The following ENOX1 variants were observed in gnomAD, a reference collection of about 807,000 sequenced individuals.
ENOX1 encodes ecto-NOX disulfide-thiol exchanger 1, also known as candidate growth-related and time keeping constitutive hydroquinone (NADH) oxidase.
Under a neutral mutation model 82.5 loss-of-function variants are expected in ENOX1, and 42 were observed. The ratio of observed to expected loss-of-function variants is 0.51; its 90% CI spans 0.40 to 0.66. ENOX1 has a LOEUF of 0.66. Ranked by LOEUF, ENOX1 falls within the 30% of genes least tolerant of loss-of-function variation. The pLI is 0.00. For synonymous variants in ENOX1, 271 were observed against 282.2 expected (o/e 0.96, Z 0.40); for missense variants, 608 against 811.6 (o/e 0.75, Z 3.05).
Position 43,561,046 on chromosome 13 carries a change from G to A in ENOX1, c.-218-76894C>T, listed in dbSNP as rs111929241. Among the ~76,000 whole-genome samples, 199 of 152,248 alleles carry A rather than the reference G, an allele frequency of 1.3e-3. 1 individual carries two copies. Among genetic ancestry groups the A allele is most frequent in the African/African-American group, 4.5e-3 (185 of 41,546 alleles). On this transcript the variant is annotated intron_variant, in intron 2 of 16. Coordinates refer to ENST00000690772, the MANE Select transcript of ENOX1 (RefSeq NM_001347969.2). ...GCTTCCCTATCAATAATTCTGGGAG[G>A]AGTGGGAGAGAGAACAGTGCGTAAT...
intron 2 of ENOX1, chr13:43,543,860 G>A (rs914101670): frequency 1.4e-5 from 2 of 146,678 alleles, no homozygotes; most frequent in Admixed American, 6.8e-5. Context: ...GGCATGTGAT[G>A]TGGCTTTATT....
intron 11 of ENOX1, among the ~76,000 whole-genome samples, chr13:43,313,198 C>T (rs183595294): frequency 6.6e-6 from 1 of 152,262 alleles, no homozygotes; most frequent in African/African-American, 2.4e-5. Context: ...GCCAATCTCT[C>T]TGTGGGTAAG....
At chr13:43,332,852 G>C (rs2153535342) in intron 9 of ENOX1, among the ~76,000 whole-genome samples, 1 of 151,342 alleles carries the variant, frequency 6.6e-6, no homozygotes, top group South Asian at 2.1e-4. Flanking sequence ...ATATACAGAA[G>C]AAAAAAGGGA....
chr13:43,783,686 G>A (rs955633926), intron 1 of ENOX1, among the ~76,000 whole-genome samples: 1 of 152,164 alleles, frequency 6.6e-6, no homozygotes, highest in African/African-American at 2.4e-5. Context: ...TGCTTACGAT[G>A]TTTAATGAGT....
chr13:43,356,835 A>G lies in ENOX1; in HGVS notation c.590-683T>C, dbSNP rs185401642. ...GAGGCCTCGCCGCTGCCTGCCTCAC[A>G]GCCCTGCAGCACCTCATCTGGTATG... is the stretch of plus-strand genomic sequence containing the variant. On this transcript the variant is annotated intron_variant, in intron 7 of 16. Coordinates refer to ENST00000690772, the MANE Select transcript of ENOX1 (RefSeq NM_001347969.2). Among the ~76,000 whole-genome samples, 19 of 152,030 alleles carry G rather than the reference A, an allele frequency of 1.2e-4. No homozygotes were observed. The East Asian group carries it at 3.7e-3, about 29-fold the overall frequency.
At chr13:43,566,382 TTAATGCAACCCATCAATGC>T in intron 2 of ENOX1, among the ~76,000 whole-genome samples, 1 of 152,092 alleles carries the variant, frequency 6.6e-6, no homozygotes, top group Non-Finnish European at 1.5e-5. Flanking sequence ...TATAGTAATT[TTAATGCAACCCATCAATGC>T]ATAGATCAAT....
chr13:43,224,926 T>C (rs1033239836), intron 15 of ENOX1, among the ~76,000 whole-genome samples: 12 of 152,206 alleles, frequency 7.9e-5, no homozygotes, highest in African/African-American at 9.6e-5. Context: ...ATCAAAATAG[T>C]GAACATGAGG....
chr13:43,714,168 T>C (rs1359374214), intron 1 of ENOX1, among the ~76,000 whole-genome samples: 1 of 152,042 alleles, frequency 6.6e-6, no homozygotes, highest in Non-Finnish European at 1.5e-5. Flanking sequence ...CATTTCGTTA[T>C]ATACCCAGTA....
intron 2 of ENOX1, among the ~76,000 whole-genome samples, chr13:43,516,071 C>T (rs1018743128): frequency 2.0e-5 from 3 of 152,072 alleles, no homozygotes; most frequent in African/African-American, 7.2e-5. Context: ...TATTTTCTGC[C>T]CTAAGTATCT....
intron 10 of ENOX1, among the ~76,000 whole-genome samples, chr13:43,323,240 G>T (rs557801939): frequency 1.3e-5 from 2 of 152,108 alleles, no homozygotes; most frequent in African/African-American, 4.8e-5. Flanking sequence ...CCTTTCTTTC[G>T]TATTGCACAC....
rs117550439 is a variant in ENOX1 at position 43,572,709 on chromosome 13, A to C, written c.-218-88557T>G. 7.1e-3 allele frequency among the ~76,000 whole-genome samples: 1,079 copies of C among 152,362 alleles called. 35 individuals are homozygous for C. The highest frequency in any genetic ancestry group is 0.06 in the Admixed American group (912 of 15,312). On this transcript the variant is annotated intron_variant, in intron 2 of 16. Transcript: ENST00000690772. ...GCGGGTGCTCTCCAGAGATGGAAGG[A>C]AGGTGTGTTCTGTGCAGTGCATCAG...
At chr13:43,352,867 T>G (rs2049898738) in intron 8 of ENOX1, among the ~76,000 whole-genome samples, 1 of 152,202 alleles carries the variant, frequency 6.6e-6, no homozygotes, top group Non-Finnish European at 1.5e-5. Context: ...CTATCTCCCC[T>G]GTGACAGCAC....
intron 2 of ENOX1, among the ~76,000 whole-genome samples, chr13:43,523,714 C>T (rs1047318433): frequency 1.1e-4 from 17 of 152,128 alleles, no homozygotes; most frequent in Admixed American, 3.9e-4. Flanking sequence ...CTGGTAGCCT[C>T]TGAGGCCCCC....
intron 12 of ENOX1, among the ~76,000 whole-genome samples, chr13:43,273,899 C>A (rs971217841): frequency 1.8e-4 from 28 of 152,076 alleles, no homozygotes; most frequent in Non-Finnish European, 2.4e-4. Context: ...GATTAGGTTA[C>A]CTCTAATATA....
intron 3 of ENOX1, among the ~76,000 whole-genome samples, chr13:43,416,075 CCCA>C (rs2054489705): frequency 6.7e-6 from 1 of 149,822 alleles, no homozygotes; most frequent in Non-Finnish European, 1.5e-5. Context: ...AGAGGCGCTC[CCCA>C]TCTCCCAGAC....
intron 5 of ENOX1, among the ~76,000 whole-genome samples, chr13:43,406,098 C>T (rs1448870491): frequency 6.6e-6 from 1 of 152,118 alleles, no homozygotes; most frequent in Non-Finnish European, 1.5e-5. Context: ...AATCCCTCTT[C>T]ATATCTGGGC....
intron 2 of ENOX1, among the ~76,000 whole-genome samples, chr13:43,501,140 G>A (rs577394184): frequency 2.5e-4 from 38 of 151,254 alleles, no homozygotes; most frequent in African/African-American, 9.2e-4. Context: ...TAAATTTAAG[G>A]ACACACAGAC....
At chr13:43,729,353 C>G (rs2089187358) in intron 1 of ENOX1, among the ~76,000 whole-genome samples, 1 of 151,994 alleles carries the variant, frequency 6.6e-6, no homozygotes, top group East Asian at 1.9e-4. Context: ...TCAGCTAGGT[C>G]TAGGTAAACG....
intron 1 of ENOX1, among the ~76,000 whole-genome samples, chr13:43,669,356 C>T (rs77698779): frequency 0.046 from 6,950 of 152,150 alleles, 175 homozygotes; most frequent in African/African-American, 0.062. Flanking sequence ...AGTTCTTATC[C>T]CATCTCCTTC....
Sources: allele counts gnomAD v4.1 joint callset (sites outside exome capture counted in the v4.1 genomes callset), GRCh38; gene constraint gnomAD v4.1.1; transcripts MANE v1.5; gene names NCBI Gene and HGNC (gene_info 2026-07-23, HGNC 2026-07-21).